Variants in HMCN1 observed in about 807,000 individuals in gnomAD.
The protein encoded by HMCN1 is hemicentin-1.
In HMCN1, 321 loss-of-function variants were observed where a neutral mutation model predicts 625.9. That is an observed-to-expected ratio of 0.51 (90% CI 0.47 to 0.56). The LOEUF (loss-of-function observed/expected upper bound fraction) is 0.56. Among genes scored for constraint, HMCN1 ranks in the 20% least tolerant of loss-of-function variants. The pLI is 0.00. For missense variants in HMCN1, 6,588 were observed against 6,887.3 expected (o/e 0.96, Z 1.54); for synonymous variants, 2,425 against 2,417.6 (o/e 1.00, Z -0.09).
intron 1 of HMCN1, among the ~76,000 whole-genome samples, chr1:185,831,128 C>T (rs1660830416): frequency 6.6e-6 from 1 of 152,028 alleles, no homozygotes; most frequent in African/African-American, 2.4e-5. Flanking sequence ...CTTTCATATT[C>T]ATGTTCATGC....
Position 186,070,588 on chromosome 1 carries a change from C to T in HMCN1, c.7994-24C>T, listed in dbSNP as rs762615332. 2.5e-6 allele frequency: 4 copies of T among 1,596,534 alleles called. No homozygotes were observed. In the African/African-American group the frequency reaches 5.4e-5, roughly 21 times the overall value. On this transcript the variant is annotated intron_variant, in intron 51 of 106. Transcript: ENST00000271588. ...TGTATTGAAAATAACCAATGTCTAACTCTTTAATATTTATTTTATGCAGTT... is the reference window on the plus strand; with the variant it reads ...TGTATTGAAAATAACCAATGTCTAATTCTTTAATATTTATTTTATGCAGTT...
In HMCN1 at chr1:185,915,146, A is replaced by G. The variant is rs1255941191; in HGVS notation, c.900+3366A>G. Among the ~76,000 whole-genome samples the G allele has an allele frequency of 5.3e-5, 8 of 152,210 alleles. No individual in the cohort carries two copies. The East Asian group carries it at 1.5e-3, about 29-fold the overall frequency. ...GAGTCAACTCATTTGTATAATTCAC[A>G]TAAGTACTCAAATATTTTAGGTTTC... On this transcript the variant is annotated intron_variant, in intron 6 of 106. Transcript: ENST00000271588.
intron 1 of HMCN1, among the ~76,000 whole-genome samples, chr1:185,834,568 T>A (rs1050179878): frequency 2.0e-5 from 3 of 152,208 alleles, no homozygotes; most frequent in Non-Finnish European, 4.4e-5. Flanking sequence ...AGAGAGGGTA[T>A]GCAAGAATGC....
intron 49 of HMCN1, among the ~76,000 whole-genome samples, chr1:186,066,121 A>T (rs1371206455): frequency 1.3e-5 from 2 of 152,186 alleles, no homozygotes; most frequent in African/African-American, 4.8e-5. Context: ...AGTCTAATTG[A>T]GTAGGGGAGC....
At chr1:185,777,427 C>T (rs1177227712) in intron 1 of HMCN1, among the ~76,000 whole-genome samples, 1 of 151,926 alleles carries the variant, frequency 6.6e-6, no homozygotes, top group East Asian at 1.9e-4. Flanking sequence ...GTATGCACAA[C>T]TGCGGTGCAC....
At chr1:185,750,910 A>G (rs536744256) in intron 1 of HMCN1, among the ~76,000 whole-genome samples, 3 of 150,046 alleles carry the variant, frequency 2.0e-5, no homozygotes, top group African/African-American at 7.4e-5. Context: ...TTTATCCTTG[A>G]TTTGGTTGTC....
intron 11 of HMCN1, among the ~76,000 whole-genome samples, chr1:185,955,080 C>T (rs1649525608): frequency 6.6e-6 from 1 of 152,150 alleles, no homozygotes; most frequent in African/African-American, 2.4e-5. Flanking sequence ...CTCCTTTCCT[C>T]CTCATAGCCA....
chr1:185,863,343 T>A (rs1239906714), intron 2 of HMCN1, among the ~76,000 whole-genome samples: 3 of 152,198 alleles, frequency 2.0e-5, no homozygotes, highest in Non-Finnish European at 4.4e-5. Flanking sequence ...GTTCAGCAAT[T>A]ATGTATTAAT....
chr1:185,983,442 A>T (rs1220274935), intron 18 of HMCN1, among the ~76,000 whole-genome samples: 2 of 152,198 alleles, frequency 1.3e-5, no homozygotes, highest in South Asian at 2.1e-4. Context: ...AATAAAAAAT[A>T]AAAATTAAAA....
At position 185,792,263 on chromosome 1, in the gene HMCN1, G is replaced by T. The variant is rs191770985; in HGVS notation, c.269-53763G>T. Among the ~76,000 whole-genome samples, 259 of 152,216 alleles carry T rather than the reference G, an allele frequency of 1.7e-3. 1 individual carries two copies. The highest frequency in any genetic ancestry group is 5.8e-3 in the African/African-American group (239 of 41,536). ...CCACATAGCATTCATCAATTTTCTA[G>T]CCACAAACTGTATTCCCAATCACAG... On this transcript the variant is annotated intron_variant, in intron 1 of 106. Coordinates refer to ENST00000271588, the MANE Select transcript of HMCN1 (RefSeq NM_031935.3).
intron 4 of HMCN1, among the ~76,000 whole-genome samples, chr1:185,897,534 A>T (rs1558049884): frequency 6.6e-6 from 1 of 152,194 alleles, no homozygotes; most frequent in South Asian, 2.1e-4. Context: ...CTTTTCTGAT[A>T]TGGCTTATTA....
chr1:186,126,626 G>GT (rs1321853984), intron 82 of HMCN1, among the ~76,000 whole-genome samples: 1 of 152,006 alleles, frequency 6.6e-6, no homozygotes, highest in Non-Finnish European at 1.5e-5. Context: ...GGAGCAGACC[G>GT]GGGGAAAAAC....
intron 97 of HMCN1, among the ~76,000 whole-genome samples, chr1:186,156,029 G>T (rs1650990326): frequency 6.6e-6 from 1 of 152,110 alleles, no homozygotes; most frequent in South Asian, 2.1e-4. Context: ...TATCTGGTCT[G>T]CACTCTTGCT....
intron 36 of HMCN1, among the ~76,000 whole-genome samples, chr1:186,030,476 A>G (rs560853374): frequency 1.3e-5 from 2 of 151,752 alleles, no homozygotes; most frequent in Non-Finnish European, 2.9e-5. Context: ...CTTGAAGTCT[A>G]TTTTTTGTGA....
At chr1:185,940,417 A>G (rs1345731601) in intron 11 of HMCN1, among the ~76,000 whole-genome samples, 1 of 152,122 alleles carries the variant, frequency 6.6e-6, no homozygotes, top group African/African-American at 2.4e-5. Context: ...TAATCTATGA[A>G]CTGCTTCACC....
chr1:186,166,409 C>A, intron 99 of HMCN1, 106 bp downstream of exon 99: 1 of 1,386,662 alleles, frequency 7.2e-7, no homozygotes, highest in Non-Finnish European at 1.0e-6. Context: ...CTTCTGCCCA[C>A]ACCTTGGCAA....
At chr1:186,041,672 A>T (rs1430427897) in intron 40 of HMCN1, among the ~76,000 whole-genome samples, 1 of 152,186 alleles carries the variant, frequency 6.6e-6, no homozygotes, top group Non-Finnish European at 1.5e-5. Flanking sequence ...ATCCCATCAC[A>T]GAAGAGCCCC....
At chr1:186,032,812 G>A (rs139061213) in intron 36 of HMCN1, among the ~76,000 whole-genome samples, 1 of 152,148 alleles carries the variant, frequency 6.6e-6, no homozygotes, top group African/African-American at 2.4e-5. Context: ...AACACTGCTG[G>A]TGGGAATGTA....
intron 62 of HMCN1, 120 bp from the exon 63 acceptor site, chr1:186,088,486 A>G: frequency 7.3e-7 from 1 of 1,373,362 alleles, no homozygotes; most frequent in East Asian, 2.5e-5. Context: ...TAAAAAAGAA[A>G]ATGGAGAACT....
Sources: allele counts gnomAD v4.1 joint callset (sites outside exome capture counted in the v4.1 genomes callset), GRCh38; gene constraint gnomAD v4.1.1; transcripts MANE v1.5; gene names NCBI Gene and HGNC (gene_info 2026-07-23, HGNC 2026-07-21).